Variants in TMEM272 observed in about 807,000 individuals in gnomAD.
TMEM272 encodes transmembrane protein 272, also known as long intergenic non-protein coding RNA 282.
A neutral mutation model predicts 3.7 loss-of-function variants in TMEM272; 8 were observed. That is an observed-to-expected ratio of 2.17 (90% CI 1.27 to 3.91). The LOEUF is 3.91. TMEM272 is among the 30% of genes most tolerant of loss of function. The pLI is 0.00. For synonymous variants in TMEM272, 63 were observed against 39.8 expected (o/e 1.58, Z -2.20); for missense variants, 166 against 91.5 (o/e 1.81, Z -3.32).
chr13:51,912,369 C>T, the TMEM272 span, among the ~76,000 whole-genome samples: 2 of 152,162 alleles, frequency 1.3e-5, no homozygotes, highest in African/African-American at 2.4e-5. Flanking sequence ...CTCCGTATCA[C>T]GTGGGGGCAG....
chr13:51,851,459 T>TG, the TMEM272 span, among the ~76,000 whole-genome samples: 1 of 150,376 alleles, frequency 6.6e-6, no homozygotes, highest in African/African-American at 2.4e-5. Flanking sequence ...TCATTTTTTT[T>TG]TTTCACTTAA....
chr13:51,918,803 C>CTTTTT, the TMEM272 span, among the ~76,000 whole-genome samples: 489 of 81,022 alleles, frequency 6.0e-3, no homozygotes, highest in Non-Finnish European at 6.7e-3. Flanking sequence ...TTTTGAAATT[C>CTTTTT]TTTTTTTTTT....
chr13:51,896,204 G>A, the TMEM272 span, among the ~76,000 whole-genome samples: 4 of 152,202 alleles, frequency 2.6e-5, no homozygotes, highest in Non-Finnish European at 4.4e-5. Context: ...CTACAAGAAA[G>A]CTTCAGACTG....
At chr13:51,908,638 C>A in the TMEM272 span, 1 of 1,482,468 alleles carries the variant, frequency 6.7e-7, no homozygotes, top group Non-Finnish European at 9.4e-7. Flanking sequence ...TCTTTGGTAT[C>A]ATTTCCACTG....
chr13:51,852,241 A>G, the TMEM272 span, among the ~76,000 whole-genome samples: 1 of 152,342 alleles, frequency 6.6e-6, no homozygotes, highest in South Asian at 2.1e-4. Context: ...CTCTAATTAT[A>G]AGTATGGTTG....
At chr13:51,875,657 G>C in the TMEM272 span, among the ~76,000 whole-genome samples, 5 of 152,176 alleles carry the variant, frequency 3.3e-5, no homozygotes, top group Non-Finnish European at 7.3e-5. Flanking sequence ...CACCTGGTTT[G>C]GGGTGATGAG....
chr13:51,828,445 A>G (rs1349367660), intron 2 of TMEM272, among the ~76,000 whole-genome samples: 2 of 152,060 alleles, frequency 1.3e-5, no homozygotes, highest in African/African-American at 2.4e-5. Context: ...CCCTCTCTCA[A>G]AGAGACCCGA....
the TMEM272 span, among the ~76,000 whole-genome samples, chr13:51,878,037 C>T: frequency 6.6e-6 from 1 of 152,174 alleles, no homozygotes; most frequent in Non-Finnish European, 1.5e-5. Context: ...GAGAAGGCCT[C>T]AGGAAACTTA....
chr13:51,914,247 T>A, the TMEM272 span, among the ~76,000 whole-genome samples: 1 of 152,170 alleles, frequency 6.6e-6, no homozygotes, highest in Admixed American at 6.5e-5. Flanking sequence ...GTGTAACTTG[T>A]CATATAATGC....
chr13:51,834,831 G>C (rs1257570412), intron 2 of TMEM272, among the ~76,000 whole-genome samples: 1 of 152,200 alleles, frequency 6.6e-6, no homozygotes, highest in Non-Finnish European at 1.5e-5. Flanking sequence ...ATCCTATGAG[G>C]GCTAGAGCCC....
intron 1 of TMEM272, among the ~76,000 whole-genome samples, chr13:51,840,730 A>T (rs948933022): frequency 6.6e-6 from 1 of 152,228 alleles, no homozygotes; most frequent in Non-Finnish European, 1.5e-5. Flanking sequence ...ATGTTTAATG[A>T]ATAATTCTAT....
At chr13:51,888,639 C>CTTTTTTTTTTTTTTTT in the TMEM272 span, among the ~76,000 whole-genome samples, 10 of 76,786 alleles carry the variant, frequency 1.3e-4, no homozygotes, top group Non-Finnish European at 2.1e-4. Context: ...TTTTCTTTTT[C>CTTTTTTTTTTTTTTTT]TTTTTTTTTT....
the TMEM272 span, chr13:51,910,543 G>A: frequency 1.4e-6 from 1 of 705,302 alleles, no homozygotes; most frequent in Non-Finnish European, 2.7e-6. Flanking sequence ...ACACCTTCAG[G>A]CAGTGCTGCC....
At chr13:51,898,239 A>AAATT in the TMEM272 span, among the ~76,000 whole-genome samples, 5 of 85,548 alleles carry the variant, frequency 5.8e-5, no homozygotes, top group South Asian at 7.4e-4. Context: ...ATAAATAAAT[A>AAATT]AAATAAAATA....
the TMEM272 span, among the ~76,000 whole-genome samples, chr13:51,880,622 AAAAAT>A: frequency 5.9e-5 from 9 of 152,194 alleles, no homozygotes; most frequent in African/African-American, 2.2e-4. Flanking sequence ...AATAAAATAA[AAAAAT>A]TGACAAAATA....
At chr13:51,861,293 G>A in the TMEM272 span, among the ~76,000 whole-genome samples, 1 of 152,098 alleles carries the variant, frequency 6.6e-6, no homozygotes, top group Admixed American at 6.5e-5. Flanking sequence ...ACAACATGAG[G>A]ACTGTAGTTA....
chr13:51,911,262 A>G, the TMEM272 span, among the ~76,000 whole-genome samples: 280 of 152,346 alleles, frequency 1.8e-3, 2 homozygotes, highest in African/African-American at 6.2e-3. Flanking sequence ...AGCTCCTCCC[A>G]GATGAGGCAG....
chr13:51,865,206 C>T, the TMEM272 span: 1 of 544,162 alleles, frequency 1.8e-6, no homozygotes, highest in South Asian at 3.7e-5. Flanking sequence ...AAAGCTTGTC[C>T]CTCACAAACA....
the TMEM272 span, chr13:51,909,831 A>G: frequency 3.8e-5 from 61 of 1,590,252 alleles, no homozygotes; most frequent in South Asian, 6.4e-4. Context: ...CAGAGTCTCG[A>G]TGTGATTTTC....
Sources: allele counts gnomAD v4.1 joint callset (sites outside exome capture counted in the v4.1 genomes callset), GRCh38; gene constraint gnomAD v4.1.1; transcripts MANE v1.5; gene names NCBI Gene and HGNC (gene_info 2026-07-23, HGNC 2026-07-21).